HNRNPK: variants seen among roughly 807,000 people sequenced by gnomAD.
The protein encoded by HNRNPK is heterogeneous nuclear ribonucleoprotein K, also known as dC-stretch binding protein.
HNRNPK carries 7 observed loss-of-function variants against 67.0 expected under a neutral mutation model. The ratio of observed to expected loss-of-function variants is 0.10; its 90% CI spans 0.06 to 0.20. The LOEUF (loss-of-function observed/expected upper bound fraction) is 0.20. Ranked by LOEUF, HNRNPK falls within the 10% of genes least tolerant of loss-of-function variation. The pLI, the probability that HNRNPK is intolerant of heterozygous loss-of-function variation, is 1.00. For synonymous variants in HNRNPK, 213 were observed against 193.7 expected, an observed-to-expected ratio of 1.10 and a Z score of -0.83; for missense variants, 264 against 606.5, an observed-to-expected ratio of 0.44 and a Z score of 5.93.
rs953866891 is a variant in HNRNPK, at chr9:83,969,061, G to A, written c.*346C>T. The A allele has an allele frequency of 3.6e-5, 16 of 444,972 alleles. No homozygotes were observed. In the Admixed American group the frequency reaches 4.9e-4, roughly 14 times the overall value. The allele number at this position is 444,972 out of a possible 1,614,324, so 27.6% of individuals were successfully genotyped here. On this transcript the variant is annotated 3_prime_UTR_variant, in exon 17 of 17. Transcript: ENST00000376263. ...CCCCAAATGTTACAGTGACCACAAA[G>A]CAAGGTGTTCACAATAATTACATGG... is the stretch of plus-strand genomic sequence containing the variant.
rs1957143973 is a variant in HNRNPK at position 83,977,908 on chromosome 9, A to G, written c.59-122T>C. ...TTGAAAAGACCAAAGGCATTGCTAC[A>G]GACTTGAACGTTATGCTTCCATCTA... On this transcript the variant is annotated intron_variant, in intron 3 of 16. Transcript: ENST00000376263. 7.7e-6 allele frequency: 5 copies of G among 645,748 alleles called. No individual in the cohort carries two copies. The East Asian group carries it at 8.2e-5, about 11-fold the overall frequency. The allele number at this position is 645,748 out of a possible 1,614,324, so 40.0% of individuals were successfully genotyped here.
At chr9:83,970,397 AG>A (rs1956771620) in intron 15 of HNRNPK, 66 bp from the exon 16 acceptor site, 6 of 1,213,174 alleles carry the variant, frequency 4.9e-6, no homozygotes, top group Non-Finnish European at 7.0e-6. Flanking sequence ...TGTATTTTCA[AG>A]GAGCATGAAG....
chr9:83,975,018 A>G (rs1957013993), intron 6 of HNRNPK, among the ~76,000 whole-genome samples: 1 of 152,244 alleles, frequency 6.6e-6, no homozygotes, highest in South Asian at 2.1e-4. Context: ...AATACCAGTT[A>G]GAAATTAGAT....
intron 15 of HNRNPK, 119 bp from the exon 16 acceptor site, chr9:83,970,450 C>T (rs775933725): frequency 2.7e-5 from 21 of 791,586 alleles, no homozygotes; most frequent in African/African-American, 7.0e-5. Context: ...GATGATCTAA[C>T]GCTCCCTAAA....
intron 5 of HNRNPK, among the ~76,000 whole-genome samples, chr9:83,975,960 C>A (rs1957047447): frequency 6.6e-6 from 1 of 151,944 alleles, no homozygotes; most frequent in Non-Finnish European, 1.5e-5. Flanking sequence ...AGACACAAAA[C>A]CTGACTCAAA....
chr9:83,976,464 G>T (rs1028493355), intron 5 of HNRNPK: 1 of 152,190 alleles, frequency 6.6e-6, no homozygotes, highest in Non-Finnish European at 1.5e-5. Flanking sequence ...AGGCATTGAC[G>T]AACAGTTTCC....
At chr9:83,979,643 T>C (rs1957272275) in intron 1 of HNRNPK, among the ~76,000 whole-genome samples, 2 of 152,022 alleles carry the variant, frequency 1.3e-5, no homozygotes, top group African/African-American at 2.4e-5. Context: ...GCCCGCGTAA[T>C]GGCGACTACG....
intron 6 of HNRNPK, among the ~76,000 whole-genome samples, chr9:83,975,044 C>A (rs1407042874): frequency 6.6e-6 from 1 of 152,000 alleles, no homozygotes; most frequent in African/African-American, 2.4e-5. Context: ...ATGGGCTCTG[C>A]AAGAAAACAA....
intron 14 of HNRNPK, 37 bp from the exon 15 acceptor site, chr9:83,970,856 G>T (rs184462197): frequency 3.7e-6 from 6 of 1,607,814 alleles, no homozygotes; most frequent in African/African-American, 1.3e-5. Flanking sequence ...CATTTAAAAA[G>T]TATGAAATTA....
chr9:83,971,219 G>T, intron 13 of HNRNPK, 54 bp downstream of exon 13: 1 of 1,169,550 alleles, frequency 8.6e-7, no homozygotes, highest in Middle Eastern at 2.6e-4. Flanking sequence ...CTGGAGAGCA[G>T]GTAAGCATCT....
intron 4 of HNRNPK, 58 bp from the exon 5 acceptor site, chr9:83,977,109 C>T (rs1957102114): frequency 2.5e-6 from 3 of 1,199,174 alleles, no homozygotes; most frequent in Non-Finnish European, 3.7e-6. Flanking sequence ...TAATAGCTAC[C>T]TACGCTCTTA....
At position 83,978,444 on chromosome 9, in the gene HNRNPK, T is replaced by C; in HGVS notation, c.-99A>G. The C allele has an allele frequency of 1.7e-6, 2 of 1,155,676 alleles. No homozygotes were observed. The highest frequency in any genetic ancestry group is 2.3e-6 in the Non-Finnish European group (2 of 879,040). 71.6% of individuals were successfully genotyped at this position (1,155,676 alleles called of 1,614,324 possible). ...GGACCAACAACTGACACCCCAGTGCTGCAGTAGCCTATAAGAACCAACACA... is the reference window on the plus strand; with the variant it reads ...GGACCAACAACTGACACCCCAGTGCCGCAGTAGCCTATAAGAACCAACACA... On this transcript the variant is annotated 5_prime_UTR_variant, in exon 2 of 17. Coordinates refer to ENST00000376263, the MANE Select transcript of HNRNPK (RefSeq NM_031263.4).
At chr9:83,978,040 T>C (rs925888397) in intron 3 of HNRNPK, among the ~76,000 whole-genome samples, 155 bp downstream of exon 3, 17 of 152,170 alleles carry the variant, frequency 1.1e-4, no homozygotes, top group African/African-American at 3.9e-4. Flanking sequence ...TTCTACTTCA[T>C]AAATAAAAGC....
chr9:83,969,163 T>C lies in HNRNPK; in HGVS notation c.*244A>G. 1 of 524,794 alleles carries C rather than the reference T, an allele frequency of 1.9e-6. No homozygotes were observed. The highest frequency in any genetic ancestry group is 3.0e-5 in the East Asian group (1 of 32,978). The allele number at this position is 524,794 out of a possible 1,614,324, so 32.5% of individuals were successfully genotyped here. ...TGCTGCTGTTTCAAAATTTCAATGT[T>C]AGTTTTTGCACGCCCTTCCCCCCCC... On this transcript the variant is annotated 3_prime_UTR_variant, in exon 17 of 17. Transcript: ENST00000376263.
chr9:83,978,327 G>A (rs1385012417), intron 2 of HNRNPK, 46 bp downstream of exon 2: 30 of 1,267,022 alleles, frequency 2.4e-5, no homozygotes, highest in South Asian at 6.4e-5. Context: ...TGGAAAGCAA[G>A]CTGTAAAAAA....
intron 13 of HNRNPK, 95 bp downstream of exon 13, chr9:83,971,178 A>C: frequency 4.4e-6 from 4 of 917,398 alleles, no homozygotes; most frequent in Non-Finnish European, 7.3e-6. Flanking sequence ...TCCTATTTTC[A>C]GTAAGTATCC....
chr9:83,977,676 A>C lies in HNRNPK; in HGVS notation c.156+13T>G. ...ATGAACCACCTTCAAATTTTCAAGA[A>C]TAAAATTTATACCTTGCTCTGAAGC... On this transcript the variant is annotated intron_variant, in intron 4 of 16. Coordinates refer to ENST00000376263, the MANE Select transcript of HNRNPK (RefSeq NM_031263.4). 6.5e-7 allele frequency: 1 copy of C among 1,528,930 alleles called. No individual in the cohort carries two copies. The highest frequency in any genetic ancestry group is 2.3e-5 in the East Asian group (1 of 44,126). The allele number at this position is 1,528,930 out of a possible 1,614,324, so 94.7% of individuals were successfully genotyped here.
intron 12 of HNRNPK, 116 bp from the exon 13 acceptor site, chr9:83,971,472 C>A (rs1956838089): frequency 4.8e-6 from 4 of 829,880 alleles, no homozygotes; most frequent in Admixed American, 2.1e-5. Flanking sequence ...ATATAGGCAG[C>A]AATTTTGTAA....
intron 15 of HNRNPK, 28 bp downstream of exon 15, chr9:83,970,709 T>C (rs751523268): frequency 3.9e-6 from 5 of 1,266,356 alleles, no homozygotes; most frequent in Middle Eastern, 2.2e-4. Flanking sequence ...AGTGATAAAA[T>C]GTTCCTGGTA....
Sources: gnomAD v4.1 joint callset for allele counts (sites outside exome capture counted in the v4.1 genomes callset) on GRCh38, gnomAD v4.1.1 for gene constraint, MANE v1.5 for transcripts, NCBI Gene and HGNC (gene_info 2026-07-23, HGNC 2026-07-21) for gene names.